DPRX: variants seen among roughly 807,000 people sequenced by gnomAD.
DPRX encodes divergent paired-related homeobox.
A neutral mutation model predicts 8.4 loss-of-function variants in DPRX; 11 were observed. The ratio of observed to expected loss-of-function variants is 1.31; its 90% CI spans 0.82 to 2.17. The LOEUF is 2.17. Among genes scored for constraint, DPRX ranks in the 30% most tolerant of loss-of-function variants. The pLI, the probability that DPRX is intolerant of heterozygous loss-of-function variation, is 0.00. For synonymous variants in DPRX, 72 were observed against 87.0 expected, an observed-to-expected ratio of 0.83 and a Z score of 0.96; for missense variants, 211 against 236.7, an observed-to-expected ratio of 0.89 and a Z score of 0.71.
upstream of DPRX, among the ~76,000 whole-genome samples, chr19:53,630,881 C>T: frequency 6.6e-6 from 1 of 151,542 alleles, no homozygotes. Context: ...AGTCTCACTC[C>T]TGTCACCCAG....
At chr19:53,612,031 C>T in the DPRX span, among the ~76,000 whole-genome samples, 1 of 151,694 alleles carries the variant, frequency 6.6e-6, no homozygotes, top group African/African-American at 2.4e-5. Flanking sequence ...TTGCCGTGAG[C>T]CGAGATCGTG....
At chr19:53,636,524 TA>T in intron 2 of DPRX, 71 bp from the exon 3 acceptor site, 1 of 1,246,216 alleles carries the variant, frequency 8.0e-7, no homozygotes, top group South Asian at 3.1e-5. Flanking sequence ...AATTAAAAAG[TA>T]AAAATTTTTT....
intron 1 of DPRX, 47 bp from the exon 2 acceptor site, chr19:53,634,484 G>A (rs1479136420): frequency 1.3e-6 from 2 of 1,575,400 alleles, no homozygotes; most frequent in South Asian, 1.2e-5. Flanking sequence ...TTTTGAGAAT[G>A]GAGTTGTTAG....
the DPRX span, among the ~76,000 whole-genome samples, chr19:53,610,597 T>C: frequency 0.37 from 55,080 of 147,636 alleles, 10,481 homozygotes; most frequent in Admixed American, 0.51. Context: ...GCTGGAGCTC[T>C]GCCGGGGGCA....
the DPRX span, among the ~76,000 whole-genome samples, chr19:53,609,551 T>A: frequency 5.4e-5 from 7 of 129,914 alleles, no homozygotes; most frequent in East Asian, 4.6e-4. Flanking sequence ...TGGTACAGTA[T>A]AGAAAATCCA....
chr19:53,636,386 TAAA>T lies in DPRX; in HGVS notation c.184-207_184-205del, dbSNP rs1555780224. Among the ~76,000 whole-genome samples, 4 of 130,166 alleles carry T rather than the reference TAAA, an allele frequency of 3.1e-5. No homozygotes were observed. In the East Asian group the frequency reaches 8.6e-4, roughly 28 times the overall value. 85.4% of individuals were successfully genotyped at this position (130,166 alleles called of 152,430 possible). A position where few individuals can be genotyped will look rare whatever the true frequency, so the allele number is the denominator to read the frequency against. ...ATCTCAAAAATAAAATAAAATAAAA[TAAA>T]AATAAATAAATAAATAAATATTAGG... On this transcript the variant is annotated intron_variant, in intron 2 of 2. Transcript: ENST00000376650.
intron 2 of DPRX, among the ~76,000 whole-genome samples, chr19:53,636,088 T>C (rs10403295): frequency 0.025 from 3,828 of 152,088 alleles, 178 homozygotes; most frequent in African/African-American, 0.088. Context: ...AAAACTTGGG[T>C]TGGGTATGGT....
At chr19:53,616,177 A>G in the DPRX span, among the ~76,000 whole-genome samples, 2 of 152,040 alleles carry the variant, frequency 1.3e-5, no homozygotes, top group Non-Finnish European at 2.9e-5. Context: ...GCTTGAATCC[A>G]GGAGGCGGAG....
chr19:53,629,968 A>C (rs979563967), upstream of DPRX: 4 of 152,068 alleles, frequency 2.6e-5, no homozygotes, highest in African/African-American at 9.7e-5. Flanking sequence ...GCACTTTGGG[A>C]GGCCAAGGCA....
At chr19:53,612,693 T>TGA in the DPRX span, among the ~76,000 whole-genome samples, 1 of 151,398 alleles carries the variant, frequency 6.6e-6, no homozygotes, top group African/African-American at 2.4e-5. Flanking sequence ...GGCAACAGAG[T>TGA]GAGACTCGGT....
At chr19:53,617,374 C>T in the DPRX span, 618 of 455,588 alleles carry the variant, frequency 1.4e-3, 7 homozygotes, top group Non-Finnish European at 3.3e-4. Context: ...GCCTGGGCAA[C>T]ATGGTAAAAC....
chr19:53,617,014 C>A, the DPRX span: 1 of 1,152,170 alleles, frequency 8.7e-7, no homozygotes, highest in Non-Finnish European at 1.3e-6. Flanking sequence ...GCATCAGAGG[C>A]CAGTAGCTTT....
At chr19:53,623,310 A>AAAAT in the DPRX span, among the ~76,000 whole-genome samples, 36,069 of 133,650 alleles carry the variant, frequency 0.27, 5,460 homozygotes, top group East Asian at 0.4. Flanking sequence ...CTGTCTCAAA[A>AAAAT]AAATAAATAA....
chr19:53,615,214 C>T, the DPRX span, among the ~76,000 whole-genome samples: 2 of 151,912 alleles, frequency 1.3e-5, no homozygotes, highest in Non-Finnish European at 2.9e-5. Context: ...TTAGGTGACC[C>T]GCCCACCTCA....
At chr19:53,605,513 A>G in the DPRX span, among the ~76,000 whole-genome samples, 4 of 152,058 alleles carry the variant, frequency 2.6e-5, no homozygotes, top group Admixed American at 1.3e-4. Flanking sequence ...AGACAAAAAA[A>G]TGATCTCAGG....
At chr19:53,624,329 T>A in the DPRX span, among the ~76,000 whole-genome samples, 1 of 94,644 alleles carries the variant, frequency 1.1e-5, no homozygotes, top group Admixed American at 1.4e-4. Flanking sequence ...CCTCAGGTGA[T>A]CTGCCCTCCC....
At chr19:53,604,934 C>A in the DPRX span, among the ~76,000 whole-genome samples, 2 of 151,874 alleles carry the variant, frequency 1.3e-5, no homozygotes, top group Non-Finnish European at 2.9e-5. Flanking sequence ...TATGATATTA[C>A]CTTGATTTGA....
chr19:53,623,310 A>AAATAAAT, the DPRX span, among the ~76,000 whole-genome samples: 9 of 133,936 alleles, frequency 6.7e-5, no homozygotes, highest in East Asian at 2.3e-4. Context: ...CTGTCTCAAA[A>AAATAAAT]AAATAAATAA....
chr19:53,624,079 C>CT, the DPRX span, among the ~76,000 whole-genome samples: 976 of 93,288 alleles, frequency 0.01, 176 homozygotes, highest in African/African-American at 0.021. Flanking sequence ...ATTGTTGTAC[C>CT]TTTTTTTTTT....
Sources: gnomAD v4.1 joint callset for allele counts (sites outside exome capture counted in the v4.1 genomes callset) on GRCh38, gnomAD v4.1.1 for gene constraint, MANE v1.5 for transcripts, NCBI Gene and HGNC (gene_info 2026-07-23, HGNC 2026-07-21) for gene names.